Variants in GRID2 observed in about 807,000 individuals in gnomAD.
GRID2 encodes the protein glutamate receptor ionotropic, delta-2.
A neutral mutation model predicts 114.8 loss-of-function variants in GRID2; 33 were observed. The observed-to-expected ratio is 0.29, with a 90% CI of 0.22 to 0.38. GRID2 has a LOEUF of 0.38. GRID2 is among the 10% of genes least tolerant of loss of function. The pLI, the probability that GRID2 is intolerant of heterozygous loss-of-function variation, is 1.00. For missense variants in GRID2, 1,184 were observed against 1,257.7 expected, an observed-to-expected ratio of 0.94 and a Z score of 0.89; for synonymous variants, 505 against 449.9, an observed-to-expected ratio of 1.12 and a Z score of -1.55.
chr4:93,473,692 A>G (rs573061832), intron 11 of GRID2, among the ~76,000 whole-genome samples: 1 of 152,304 alleles, frequency 6.6e-6, no homozygotes, highest in Admixed American at 6.5e-5. Context: ...TTATAAAGGT[A>G]TAAAATAATA....
intron 2 of GRID2, among the ~76,000 whole-genome samples, chr4:92,914,282 T>G (rs545496039): frequency 4.6e-5 from 7 of 152,300 alleles, no homozygotes; most frequent in African/African-American, 1.7e-4. Context: ...GGTAAAATGC[T>G]TGGTAATTAT....
chr4:92,996,640 G>A (rs117327886), intron 2 of GRID2, among the ~76,000 whole-genome samples: 5 of 152,160 alleles, frequency 3.3e-5, no homozygotes, highest in East Asian at 1.9e-4. Context: ...GTCAGGAGCC[G>A]GAAAATTCTA....
intron 2 of GRID2, among the ~76,000 whole-genome samples, chr4:92,746,358 AT>A (rs1737148980): frequency 3.9e-5 from 6 of 152,102 alleles, no homozygotes; most frequent in African/African-American, 1.4e-4. Flanking sequence ...AAATGCAAAG[AT>A]TTAGAAAGAA....
intron 1 of GRID2, among the ~76,000 whole-genome samples, chr4:92,417,463 C>A (rs1190643849): frequency 6.6e-6 from 1 of 151,986 alleles, no homozygotes; most frequent in Non-Finnish European, 1.5e-5. Context: ...CATAAGGATT[C>A]AGATAGGGAA....
intron 8 of GRID2, among the ~76,000 whole-genome samples, chr4:93,245,203 A>G (rs1260449146): frequency 6.6e-6 from 1 of 152,122 alleles, no homozygotes; most frequent in Non-Finnish European, 1.5e-5. Flanking sequence ...ATGGCATATA[A>G]TAGATGCTTG....
chr4:92,680,038 G>T (rs1733572272), intron 2 of GRID2, among the ~76,000 whole-genome samples: 1 of 152,040 alleles, frequency 6.6e-6, no homozygotes, highest in Admixed American at 6.6e-5. Flanking sequence ...GGGGAAAAGG[G>T]TTAATGTTTG....
intron 2 of GRID2, among the ~76,000 whole-genome samples, chr4:92,932,358 CT>C (rs1750307568): frequency 6.6e-6 from 1 of 151,200 alleles, no homozygotes; most frequent in Admixed American, 6.6e-5. Flanking sequence ...ACTACAATGG[CT>C]TTTAGACACA....
intron 2 of GRID2, among the ~76,000 whole-genome samples, chr4:92,958,008 C>G (rs2149146493): frequency 6.6e-6 from 1 of 152,104 alleles, no homozygotes; most frequent in East Asian, 1.9e-4. Flanking sequence ...TTGCATTCTG[C>G]CACACTGCTA....
intron 2 of GRID2, among the ~76,000 whole-genome samples, chr4:92,782,907 C>G (rs1478948317): frequency 6.6e-6 from 1 of 151,956 alleles, no homozygotes; most frequent in Non-Finnish European, 1.5e-5. Flanking sequence ...TATAGGGAAA[C>G]TTAACAGGAG....
intron 4 of GRID2, among the ~76,000 whole-genome samples, chr4:93,163,379 TATATATATATATATATATATAC>T (rs1391968167): frequency 0.089 from 4,817 of 54,020 alleles, 203 homozygotes; most frequent in Admixed American, 0.23. Context: ...TATATATATA[TATATATATATATATATATATAC>T]ACTATATATA....
intron 1 of GRID2, among the ~76,000 whole-genome samples, chr4:92,341,972 G>A (rs892585464): frequency 1.5e-4 from 23 of 151,070 alleles, no homozygotes; most frequent in Admixed American, 6.6e-5. Flanking sequence ...GTCATCCATT[G>A]TACCTTGCTG....
intron 14 of GRID2, among the ~76,000 whole-genome samples, chr4:93,681,645 T>A (rs898210373): frequency 6.6e-6 from 1 of 152,194 alleles, no homozygotes; most frequent in Non-Finnish European, 1.5e-5. Flanking sequence ...AACTATCTGA[T>A]CTTTGACAAA....
At chr4:92,883,899 A>G (rs1319322788) in intron 2 of GRID2, among the ~76,000 whole-genome samples, 5 of 152,222 alleles carry the variant, frequency 3.3e-5, no homozygotes, top group Admixed American at 3.3e-4. Flanking sequence ...TCAGAATGGT[A>G]AATAAGCATT....
chr4:92,993,870 TAA>T (rs2149207339), intron 2 of GRID2, among the ~76,000 whole-genome samples: 1 of 152,368 alleles, frequency 6.6e-6, no homozygotes, highest in African/African-American at 2.4e-5. Flanking sequence ...AAATATGATA[TAA>T]GTCACATTTA....
At chr4:93,491,004 T>C (rs1051280350) in intron 12 of GRID2, among the ~76,000 whole-genome samples, 6 of 151,932 alleles carry the variant, frequency 3.9e-5, no homozygotes, top group African/African-American at 1.4e-4. Flanking sequence ...GATTTCAATG[T>C]TGCTTCCCAC....
intron 2 of GRID2, among the ~76,000 whole-genome samples, chr4:92,775,635 C>T (rs1384618195): frequency 1.3e-5 from 2 of 152,102 alleles, no homozygotes; most frequent in Admixed American, 6.6e-5. Flanking sequence ...ATTTTTGCAT[C>T]CCAACATTAG....
intron 8 of GRID2, among the ~76,000 whole-genome samples, chr4:93,303,182 C>A (rs1560476286): frequency 6.6e-6 from 1 of 152,130 alleles, no homozygotes; most frequent in Non-Finnish European, 1.5e-5. Context: ...AGAAATCCAC[C>A]CCTATGATCC....
chr4:92,529,960 A>G lies in GRID2; in HGVS notation c.89-60171A>G, dbSNP rs553073442. Among the ~76,000 whole-genome samples the G allele has an allele frequency of 7.9e-5, 12 of 152,284 alleles. No individual in the cohort carries two copies. In the East Asian group the frequency reaches 2.1e-3, roughly 27 times the overall value. On this transcript the variant is annotated intron_variant, in intron 1 of 15. Coordinates refer to ENST00000282020, the MANE Select transcript of GRID2 (RefSeq NM_001510.4). ...GGTGAGAAGAGGAAGAATTGTAGAC[A>G]ACATGATATACTTTGAGTTGGCAAC... is the stretch of plus-strand genomic sequence containing the variant.
At chr4:93,653,066 A>T (rs1459368721) in intron 14 of GRID2, among the ~76,000 whole-genome samples, 1 of 152,162 alleles carries the variant, frequency 6.6e-6, no homozygotes, top group Non-Finnish European at 1.5e-5. Flanking sequence ...TGCAGTGTTG[A>T]TTATTAGTTG....
Sources: gnomAD v4.1 joint callset for allele counts (sites outside exome capture counted in the v4.1 genomes callset) on GRCh38, gnomAD v4.1.1 for gene constraint, MANE v1.5 for transcripts, NCBI Gene and HGNC (gene_info 2026-07-23, HGNC 2026-07-21) for gene names.